WWTR1: variants seen among roughly 807,000 people sequenced by gnomAD.
WWTR1 encodes the protein WW domain containing transcription regulator 1, also known as WW domain-containing transcription regulator protein 1.
A neutral mutation model predicts 40.1 loss-of-function variants in WWTR1; 13 were observed. That is an observed-to-expected ratio of 0.32 (90% CI 0.21 to 0.52). WWTR1 has a LOEUF of 0.52. WWTR1 is among the 20% of genes least tolerant of loss of function. The pLI, the probability that WWTR1 is intolerant of heterozygous loss-of-function variation, is 0.97. For synonymous variants in WWTR1, 230 were observed against 210.1 expected (o/e 1.09, Z -0.82); for missense variants, 436 against 523.1 (o/e 0.83, Z 1.63).
intron 2 of WWTR1, among the ~76,000 whole-genome samples, chr3:149,609,415 C>T (rs965445356): frequency 6.6e-6 from 1 of 152,238 alleles, no homozygotes; most frequent in Non-Finnish European, 1.5e-5. Context: ...AAATCCTACC[C>T]ACTACCTGTT....
intron 2 of WWTR1, among the ~76,000 whole-genome samples, chr3:149,642,990 A>G (rs887404727): frequency 1.3e-5 from 2 of 152,214 alleles, no homozygotes; most frequent in African/African-American, 2.4e-5. Flanking sequence ...GTCTTTACAA[A>G]TCCCAAATCT....
At chr3:149,678,143 G>A (rs1714333980) in intron 1 of WWTR1, among the ~76,000 whole-genome samples, 1 of 152,130 alleles carries the variant, frequency 6.6e-6, no homozygotes, top group Non-Finnish European at 1.5e-5. Context: ...TGCATTTCTT[G>A]AGATAATGAG....
chr3:149,665,996 T>C (rs1168383404), intron 2 of WWTR1, among the ~76,000 whole-genome samples: 1 of 152,210 alleles, frequency 6.6e-6, no homozygotes, highest in Non-Finnish European at 1.5e-5. Flanking sequence ...ATTTTTTTAA[T>C]ATCCATTGTG....
rs368155525 is a variant in WWTR1 at position 149,574,776 on chromosome 3, G to A, written c.432-1776C>T. On this transcript the variant is annotated intron_variant, in intron 2 of 6. Coordinates refer to ENST00000360632, the MANE Select transcript of WWTR1 (RefSeq NM_015472.6). ...GAAAACTTGGGTCTAAAGGTCTAAGGTTTTAGAATAAATGTGATTAAAAAA... is the reference window on the plus strand; with the variant it reads ...GAAAACTTGGGTCTAAAGGTCTAAGATTTTAGAATAAATGTGATTAAAAAA... Among the ~76,000 whole-genome samples the A allele has an allele frequency of 2.0e-4, 29 of 144,934 alleles. 1 individual carries two copies. The highest frequency in any genetic ancestry group is 1.6e-3 in the East Asian group (7 of 4,384).
intron 3 of WWTR1, among the ~76,000 whole-genome samples, chr3:149,565,182 A>T (rs1423204701): frequency 6.6e-6 from 1 of 152,150 alleles, no homozygotes; most frequent in Non-Finnish European, 1.5e-5. Context: ...CCAAGATTGC[A>T]TCTCAGAAAA....
At chr3:149,668,012 G>T (rs902585740) in intron 2 of WWTR1, among the ~76,000 whole-genome samples, 1 of 152,154 alleles carries the variant, frequency 6.6e-6, no homozygotes, top group African/African-American at 2.4e-5. Flanking sequence ...TGTCAGTCAA[G>T]GCTTATCCCT....
intron 2 of WWTR1, among the ~76,000 whole-genome samples, chr3:149,592,420 C>T (rs143806904): frequency 2.6e-5 from 4 of 152,176 alleles, no homozygotes; most frequent in African/African-American, 7.2e-5. Flanking sequence ...ATATTTTATA[C>T]CCAACTGACC....
chr3:149,677,102 G>C (rs527874013), intron 1 of WWTR1, among the ~76,000 whole-genome samples: 4 of 152,102 alleles, frequency 2.6e-5, no homozygotes, highest in African/African-American at 9.6e-5. Flanking sequence ...TTTTAGGAGA[G>C]ACGGGGTGTC....
intron 4 of WWTR1, among the ~76,000 whole-genome samples, chr3:149,720,899 T>C (rs1343673773): frequency 6.6e-6 from 1 of 152,210 alleles, no homozygotes; most frequent in Non-Finnish European, 1.5e-5. Context: ...GGAATTGTTT[T>C]CTTAAGTTTT....
chr3:149,656,217 G>A (rs1049066474), intron 2 of WWTR1, among the ~76,000 whole-genome samples: 7 of 152,236 alleles, frequency 4.6e-5, no homozygotes, highest in African/African-American at 1.7e-4. Context: ...AAGCAGGCTT[G>A]TGATTTGATG....
chr3:149,613,880 A>C (rs1370239249), intron 2 of WWTR1, among the ~76,000 whole-genome samples: 1 of 152,102 alleles, frequency 6.6e-6, no homozygotes, highest in Admixed American at 6.5e-5. Flanking sequence ...CAAATAATCC[A>C]TGTTCATGGT....
intron 5 of WWTR1, among the ~76,000 whole-genome samples, chr3:149,716,669 A>G (rs1715612661): frequency 6.6e-6 from 1 of 152,170 alleles, no homozygotes; most frequent in Admixed American, 6.5e-5. Context: ...TAGTAAACAA[A>G]CAAAAAGTCA....
chr3:149,586,641 G>T (rs983765351), intron 2 of WWTR1, among the ~76,000 whole-genome samples: 6 of 152,104 alleles, frequency 3.9e-5, no homozygotes, highest in Non-Finnish European at 8.8e-5. Context: ...AACTTCTCTT[G>T]TTTTAATGAG....
At chr3:149,595,419 T>C (rs1389591478) in intron 2 of WWTR1, among the ~76,000 whole-genome samples, 2 of 152,206 alleles carry the variant, frequency 1.3e-5, no homozygotes, top group Admixed American at 1.3e-4. Flanking sequence ...AATTTTGTTA[T>C]GTAAGAAAAT....
chr3:149,626,123 C>T (rs1479634611), intron 2 of WWTR1, among the ~76,000 whole-genome samples: 1 of 152,180 alleles, frequency 6.6e-6, no homozygotes, highest in Admixed American at 6.5e-5. Context: ...AAAAACATCA[C>T]AGATGGCTTT....
chr3:149,591,197 G>A (rs1738707332), intron 2 of WWTR1, among the ~76,000 whole-genome samples: 1 of 152,150 alleles, frequency 6.6e-6, no homozygotes, highest in Non-Finnish European at 1.5e-5. Context: ...CTAAAAGGAA[G>A]AGGTAAAAGG....
At chr3:149,559,293 C>CAAAAAAAAAAA (rs57470539) in intron 3 of WWTR1, among the ~76,000 whole-genome samples, 26 of 57,940 alleles carry the variant, frequency 4.5e-4, no homozygotes, top group African/African-American at 5.9e-4. Context: ...GACTCCATCT[C>CAAAAAAAAAAA]AAAAAAAAAA....
At chr3:149,711,141 G>A (rs1715468505) in intron 5 of WWTR1, among the ~76,000 whole-genome samples, 3 of 144,796 alleles carry the variant, frequency 2.1e-5, no homozygotes, top group African/African-American at 2.6e-5. Flanking sequence ...AGACAGAAGC[G>A]TAGGGTTTCA....
chr3:149,692,348 A>G (rs544938578), intron 1 of WWTR1, among the ~76,000 whole-genome samples: 3 of 152,346 alleles, frequency 2.0e-5, no homozygotes, highest in Non-Finnish European at 4.4e-5. Context: ...ATGATTCAAC[A>G]TATGCAAATC....
Sources: gnomAD v4.1 joint callset for allele counts (sites outside exome capture counted in the v4.1 genomes callset) on GRCh38, gnomAD v4.1.1 for gene constraint, MANE v1.5 for transcripts, NCBI Gene and HGNC (gene_info 2026-07-23, HGNC 2026-07-21) for gene names.